The following SPIRE1 variants were observed in gnomAD, a reference collection of about 807,000 sequenced individuals.
SPIRE1 encodes the protein spire type actin nucleation factor 1.
In SPIRE1, 40 loss-of-function variants were observed where a neutral mutation model predicts 94.1. That is an observed-to-expected ratio of 0.43 (90% CI 0.33 to 0.55). The LOEUF is 0.55. Among genes scored for constraint, SPIRE1 ranks in the 20% least tolerant of loss-of-function variants. The pLI is 0.06. For synonymous variants in SPIRE1, 376 were observed against 371.7 expected (o/e 1.01, Z -0.13); for missense variants, 838 against 975.2 (o/e 0.86, Z 1.87).
intron 10 of SPIRE1, among the ~76,000 whole-genome samples, chr18:12,468,538 C>A (rs2032215575): frequency 6.6e-6 from 1 of 152,162 alleles, no homozygotes; most frequent in African/African-American, 2.4e-5. Context: ...TGCATCTGAT[C>A]TTTAAAATGA....
chr18:12,469,722 A>T (rs976616610), intron 10 of SPIRE1, among the ~76,000 whole-genome samples: 25 of 144,270 alleles, frequency 1.7e-4, no homozygotes, highest in Non-Finnish European at 3.5e-4. Flanking sequence ...ATATTTATAT[A>T]AATATAATTA....
rs145169693 is a variant in SPIRE1, at chr18:12,557,366, G to A, written c.373-10462C>T. 3.6e-4 allele frequency among the ~76,000 whole-genome samples: 55 copies of A among 152,318 alleles called. No individual in the cohort carries two copies. The East Asian group carries it at 7.9e-3, about 22-fold the overall frequency. On this transcript the variant is annotated intron_variant, in intron 2 of 16. Transcript: ENST00000409402. ...GGCCGACAGTGCTGGGGAACTCAGC[G>A]CACCCTCTGCAGCTGCTGGCCCAGG...
chr18:12,504,160 T>C (rs2033755456), intron 6 of SPIRE1, among the ~76,000 whole-genome samples: 1 of 147,610 alleles, frequency 6.8e-6, no homozygotes, highest in African/African-American at 2.5e-5. Context: ...AATGTTTAGC[T>C]TATTAAAATT....
At chr18:12,534,624 T>A (rs1598443652) in intron 4 of SPIRE1, among the ~76,000 whole-genome samples, 1 of 152,172 alleles carries the variant, frequency 6.6e-6, no homozygotes, top group African/African-American at 2.4e-5. Flanking sequence ...TGCTGGGATA[T>A]ACTTTTCTTC....
chr18:12,557,713 A>AATAT lies in SPIRE1; in HGVS notation c.373-10813_373-10810dup, dbSNP rs151266769. 7.1e-3 allele frequency among the ~76,000 whole-genome samples: 1,046 copies of AATAT among 146,906 alleles called. 2 individuals are homozygous for AATAT. Among genetic ancestry groups the AATAT allele is most frequent in the Non-Finnish European group, 9.1e-3 (604 of 66,520 alleles). On this transcript the variant is annotated intron_variant, in intron 2 of 16. Coordinates refer to ENST00000409402, the MANE Select transcript of SPIRE1 (RefSeq NM_001128626.2). ...TTGTCACCTCTCACTACAATATACA[A>AATAT]ATATATATATATATATATAAAATAC... is the stretch of plus-strand genomic sequence containing the variant.
chr18:12,465,842 T>C (rs989028825), intron 10 of SPIRE1, among the ~76,000 whole-genome samples: 2 of 152,078 alleles, frequency 1.3e-5, no homozygotes, highest in African/African-American at 4.8e-5. Context: ...TCCCAGCACT[T>C]TGGGAGGCCA....
chr18:12,498,854 C>T (rs1354513533), intron 6 of SPIRE1, among the ~76,000 whole-genome samples: 6 of 152,178 alleles, frequency 3.9e-5, no homozygotes, highest in African/African-American at 1.4e-4. Flanking sequence ...AATGTTCAGA[C>T]TCAAGCGATC....
chr18:12,522,008 T>C (rs2034377650), intron 4 of SPIRE1, among the ~76,000 whole-genome samples: 1 of 152,158 alleles, frequency 6.6e-6, no homozygotes, highest in Non-Finnish European at 1.5e-5. Context: ...AACCCCACAA[T>C]GGCCTTTATG....
chr18:12,590,053 A>C (rs376354260), intron 2 of SPIRE1, among the ~76,000 whole-genome samples: 3,829 of 12,354 alleles, frequency 0.31, 169 homozygotes, highest in Middle Eastern at 0.5. Context: ...CTATGCAGTA[A>C]CTGAAAAAGC....
intron 2 of SPIRE1, among the ~76,000 whole-genome samples, chr18:12,550,144 G>C (rs191026016): frequency 3.9e-5 from 6 of 152,006 alleles, no homozygotes; most frequent in Admixed American, 3.9e-4. Flanking sequence ...CTGTTTAAAG[G>C]TCAGCCCCAC....
upstream of SPIRE1, chr18:12,658,211 G>A: frequency 1.7e-6 from 1 of 586,160 alleles, no homozygotes; most frequent in Non-Finnish European, 2.8e-6. Context: ...TGGAGGTGAG[G>A]ACCAGGCAGG....
chr18:12,560,717 T>C (rs2035657525), intron 2 of SPIRE1, among the ~76,000 whole-genome samples: 1 of 151,982 alleles, frequency 6.6e-6, no homozygotes, highest in Non-Finnish European at 1.5e-5. Context: ...CCAGGCATGG[T>C]AGGATGTGTC....
chr18:12,591,578 C>T (rs1245178696), intron 2 of SPIRE1, among the ~76,000 whole-genome samples: 1 of 152,110 alleles, frequency 6.6e-6, no homozygotes, highest in Non-Finnish European at 1.5e-5. Flanking sequence ...GGGCAGTTTC[C>T]GGCTACCATT....
At chr18:12,541,087 TTTC>T (rs759138143) in intron 3 of SPIRE1, among the ~76,000 whole-genome samples, 49 of 152,362 alleles carry the variant, frequency 3.2e-4, no homozygotes, top group Non-Finnish European at 6.3e-4. Context: ...TCCACTGTGA[TTTC>T]TTCTTTGACT....
rs540070223 is a variant in SPIRE1, at chr18:12,585,074, G to A, written c.373-38170C>T. On this transcript the variant is annotated intron_variant, in intron 2 of 16. Coordinates refer to ENST00000409402, the MANE Select transcript of SPIRE1 (RefSeq NM_001128626.2). ...CCACCTCGGCTTCCCAAAGTGCTGGGATTACAGGCGTGAGCTACCACGCCA... is the reference window on the plus strand; with the variant it reads ...CCACCTCGGCTTCCCAAAGTGCTGGAATTACAGGCGTGAGCTACCACGCCA... 2.3e-3 allele frequency among the ~76,000 whole-genome samples: 357 copies of A among 152,266 alleles called. 3 individuals carry two copies. The highest frequency in any genetic ancestry group is 0.014 in the South Asian group (69 of 4,828).
At chr18:12,543,705 G>A (rs750193985) in intron 3 of SPIRE1, among the ~76,000 whole-genome samples, 6 of 152,172 alleles carry the variant, frequency 3.9e-5, no homozygotes, top group African/African-American at 9.7e-5. Flanking sequence ...ATTAAAGAGC[G>A]TCTTGCTTGC....
At position 12,612,773 on chromosome 18, in the gene SPIRE1, T is replaced by TGG. The variant is rs1225599060; in HGVS notation, c.372+22288_372+22289insCC. Among the ~76,000 whole-genome samples, 3 of 152,206 alleles carry TGG rather than the reference T, an allele frequency of 2.0e-5. No individual in the cohort carries two copies. The East Asian group carries it at 5.8e-4, about 29-fold the overall frequency. On this transcript the variant is annotated intron_variant, in intron 2 of 16. Transcript: ENST00000409402. Reference sequence around the variant, plus strand: ...TTCGCCACTGCAGGTGCATGGCAGGTGCATGCCCACCTCCAGGCCTGCCAA... The same window carrying TGG: ...TTCGCCACTGCAGGTGCATGGCAGGTGGGCATGCCCACCTCCAGGCCTGCCAA...
At chr18:12,622,339 C>T (rs1277694127) in intron 2 of SPIRE1, among the ~76,000 whole-genome samples, 2 of 151,356 alleles carry the variant, frequency 1.3e-5, no homozygotes, top group Non-Finnish European at 2.9e-5. Context: ...TACATAACAA[C>T]AGAAGAATGA....
In SPIRE1 at chr18:12,448,612, A is replaced by T. The variant is rs960471551; in HGVS notation, c.*1026T>A. 1 of 152,186 alleles carries T rather than the reference A, an allele frequency of 6.6e-6. No homozygotes were observed. Among genetic ancestry groups the T allele is most frequent in the Non-Finnish European group, 1.5e-5 (1 of 68,042 alleles). The allele number at this position is 152,186 out of a possible 1,614,324, so 9.4% of individuals were successfully genotyped here. ...GTTAATTTTCTTCTAACTTTAAAAG[A>T]AGTAGATATTTTTTCTTTTAAAATT... On this transcript the variant is annotated 3_prime_UTR_variant, in exon 17 of 17. Coordinates refer to ENST00000409402, the MANE Select transcript of SPIRE1 (RefSeq NM_001128626.2). The surrounding 1 kb of genome is among the most constrained non-coding windows in gnomAD (Gnocchi z 4.4).
Sources: gnomAD v4.1 joint callset for allele counts (sites outside exome capture counted in the v4.1 genomes callset) on GRCh38, gnomAD v4.1.1 for gene constraint, Gnocchi (gnomAD v3.1) non-coding constraint, MANE v1.5 for transcripts, NCBI Gene and HGNC (gene_info 2026-07-23, HGNC 2026-07-21) for gene names.